Variants in RNF145 observed in about 807,000 individuals in gnomAD.
RNF145 encodes ring finger protein 145.
Under a neutral mutation model 57.3 loss-of-function variants are expected in RNF145, and 12 were observed. The observed-to-expected ratio is 0.21, with a 90% CI of 0.13 to 0.34. The LOEUF (loss-of-function observed/expected upper bound fraction) is 0.34, where lower values mean the gene tolerates loss of function less well. Ranked by LOEUF, RNF145 falls within the 10% of genes least tolerant of loss-of-function variation. RNF145 has a pLI of 1.00. For synonymous variants in RNF145, 262 were observed against 288.3 expected (o/e 0.91, Z 0.92); for missense variants, 429 against 799.0 (o/e 0.54, Z 5.58).
chr5:159,191,946 A>T (rs1410845201), intron 3 of RNF145, among the ~76,000 whole-genome samples: 1 of 151,968 alleles, frequency 6.6e-6, no homozygotes, highest in African/African-American at 2.4e-5. Context: ...ATATACCAGA[A>T]TCCTGACCTC....
intron 3 of RNF145, among the ~76,000 whole-genome samples, chr5:159,192,902 T>A (rs555417277): frequency 7.0e-4 from 106 of 152,356 alleles, no homozygotes; most frequent in African/African-American, 8.2e-4. Flanking sequence ...AATGACTGCA[T>A]TACACTCTAT....
rs545204249 is a variant in RNF145 at position 159,172,645 on chromosome 5, T to C, written c.797+1338A>G. Reference sequence around the variant, plus strand: ...ATAATTGTTATTCATTTTTAGAAAGTTCAAAATCTGATTCAGTACCAGTAT... The same window carrying C: ...ATAATTGTTATTCATTTTTAGAAAGCTCAAAATCTGATTCAGTACCAGTAT... On this transcript the variant is annotated intron_variant, in intron 6 of 10. Transcript: ENST00000424310. Among the ~76,000 whole-genome samples the C allele has an allele frequency of 3.3e-5, 5 of 152,332 alleles. No homozygotes were observed. The East Asian group carries it at 9.6e-4, about 29-fold the overall frequency.
intron 8 of RNF145, 80 bp downstream of exon 8, chr5:159,168,793 A>G: frequency 1.1e-6 from 1 of 908,398 alleles, no homozygotes; most frequent in Middle Eastern, 2.4e-4. Context: ...GTCTCTAAAT[A>G]TTCCCTAAAT....
At chr5:159,209,988 C>A, upstream of RNF145, 1 of 1,248,870 alleles carries the variant, frequency 8.0e-7, no homozygotes. Context: ...TGGGATGGCT[C>A]AGCCGTGCCC....
intron 1 of RNF145, among the ~76,000 whole-genome samples, chr5:159,208,441 T>C (rs1785979399): frequency 6.6e-6 from 1 of 151,990 alleles, no homozygotes; most frequent in Non-Finnish European, 1.5e-5. Flanking sequence ...CTGAGGGTCC[T>C]TGGGTGGGGA....
intron 2 of RNF145, 52 bp downstream of exon 2, chr5:159,203,382 C>A (rs962318420): frequency 1.8e-5 from 22 of 1,255,470 alleles, no homozygotes; most frequent in Non-Finnish European, 2.4e-5. Context: ...GATACTAAGA[C>A]ATAAATCAGA....
At chr5:159,196,119 T>C (rs1228394862) in intron 2 of RNF145, among the ~76,000 whole-genome samples, 2 of 152,168 alleles carry the variant, frequency 1.3e-5, no homozygotes, top group Non-Finnish European at 2.9e-5. Context: ...TATTTTTGTA[T>C]ACCCTATACT....
intron 3 of RNF145, among the ~76,000 whole-genome samples, chr5:159,185,611 G>C (rs888268893): frequency 3.3e-5 from 5 of 152,162 alleles, no homozygotes; most frequent in South Asian, 2.1e-4. Flanking sequence ...TTAGTTCAAG[G>C]CAAGAGTCAT....
intron 8 of RNF145, 100 bp downstream of exon 8, chr5:159,168,773 T>C: frequency 1.4e-6 from 1 of 695,124 alleles, no homozygotes; most frequent in Non-Finnish European, 2.2e-6. Flanking sequence ...ATTACCCATA[T>C]CCATTTTCTG....
chr5:159,163,216 TG>T, intron 8 of RNF145, 137 bp from the exon 9 acceptor site: 1 of 770,602 alleles, frequency 1.3e-6, no homozygotes, highest in Non-Finnish European at 2.1e-6. Context: ...TGCCAGTCAC[TG>T]TACTAGAGTT....
chr5:159,207,138 T>C lies in RNF145; in HGVS notation c.-40+2093A>G, dbSNP rs145741560. 7.0e-4 allele frequency among the ~76,000 whole-genome samples: 107 copies of C among 152,234 alleles called. No homozygotes were observed. The Middle Eastern group carries it at 0.01, about 15-fold the overall frequency. On this transcript the variant is annotated intron_variant, in intron 1 of 10. Transcript: ENST00000424310. Reference sequence around the variant, plus strand: ...AATGCTGTACAGTTTACCATTCAAATTTGTGGGTTAGAAAACACAGGGGGC... The same window carrying C: ...AATGCTGTACAGTTTACCATTCAAACTTGTGGGTTAGAAAACACAGGGGGC...
intron 8 of RNF145, among the ~76,000 whole-genome samples, chr5:159,163,299 C>A (rs1784289097): frequency 6.6e-6 from 1 of 152,220 alleles, no homozygotes; most frequent in Non-Finnish European, 1.5e-5. Flanking sequence ...AGCTGATTTT[C>A]TTTTGTTCCT....
intron 2 of RNF145, among the ~76,000 whole-genome samples, chr5:159,197,936 A>C (rs1286573043): frequency 6.6e-6 from 1 of 151,886 alleles, no homozygotes; most frequent in African/African-American, 2.4e-5. Context: ...ACAGAGCATG[A>C]CCCTGTCTCT....
chr5:159,199,414 A>C (rs568140656), intron 2 of RNF145, among the ~76,000 whole-genome samples: 51 of 152,126 alleles, frequency 3.4e-4, no homozygotes, highest in Non-Finnish European at 6.6e-4. Context: ...CACTTTCAAG[A>C]AAGAGGAAGT....
chr5:159,206,623 C>T (rs1269851148), intron 1 of RNF145, among the ~76,000 whole-genome samples: 1 of 152,102 alleles, frequency 6.6e-6, no homozygotes, highest in Non-Finnish European at 1.5e-5. Flanking sequence ...ATAATGTTGC[C>T]TAATTTATCC....
intron 2 of RNF145, among the ~76,000 whole-genome samples, chr5:159,195,977 C>CT (rs1243102746): frequency 1.3e-5 from 2 of 152,322 alleles, no homozygotes; most frequent in South Asian, 2.1e-4. Context: ...TCTTTTCTCT[C>CT]TTATCGTCAA....
chr5:159,188,585 C>T (rs1395973721), intron 3 of RNF145, among the ~76,000 whole-genome samples: 2 of 152,112 alleles, frequency 1.3e-5, no homozygotes, highest in Non-Finnish European at 2.9e-5. Flanking sequence ...TAGAAAAATA[C>T]ATTCCCTACA....
chr5:159,183,454 A>G lies in RNF145; in HGVS notation c.294-1403T>C, dbSNP rs998663715. Among the ~76,000 whole-genome samples the G allele has an allele frequency of 1.1e-4, 17 of 152,324 alleles. 1 individual carries two copies. The highest frequency in any genetic ancestry group is 1.0e-3 in the Admixed American group (16 of 15,292). On this transcript the variant is annotated intron_variant, in intron 3 of 10. Coordinates refer to ENST00000424310, the MANE Select transcript of RNF145 (RefSeq NM_001199383.2). ...AAAAATCATCCAGTCCAAAATGTCA[A>G]CTGTGCAATATTGAGTAACCCTGTT...
intron 8 of RNF145, among the ~76,000 whole-genome samples, 154 bp downstream of exon 8, chr5:159,168,719 A>G (rs971103938): frequency 2.0e-5 from 3 of 152,228 alleles, no homozygotes; most frequent in African/African-American, 7.2e-5. Flanking sequence ...TCATATAGGA[A>G]AAATAAAAAC....
Sources: allele counts gnomAD v4.1 joint callset (sites outside exome capture counted in the v4.1 genomes callset), GRCh38; gene constraint gnomAD v4.1.1; transcripts MANE v1.5; gene names NCBI Gene and HGNC (gene_info 2026-07-23, HGNC 2026-07-21).